SCG3: variants seen among roughly 807,000 people sequenced by gnomAD.
SCG3 encodes secretogranin III, also known as secretogranin-3.
Under a neutral mutation model 56.2 loss-of-function variants are expected in SCG3, and 38 were observed. The observed-to-expected ratio is 0.68, with a 90% CI of 0.52 to 0.89. The LOEUF is 0.89. SCG3 is among the 40% of genes least tolerant of loss of function. The pLI is 0.00. For synonymous variants in SCG3, 176 were observed against 184.2 expected, an observed-to-expected ratio of 0.96 and a Z score of 0.36; for missense variants, 524 against 540.7, an observed-to-expected ratio of 0.97 and a Z score of 0.31.
At chr15:51,701,307 AGGGAG>A in intron 10 of SCG3, 63 bp downstream of exon 10, 1 of 1,490,436 alleles carries the variant, frequency 6.7e-7, no homozygotes. Flanking sequence ...TCACCACACA[AGGGAG>A]GGTGATCCAA....
At chr15:51,689,466 A>G (rs2055252976) in intron 6 of SCG3, 98 bp downstream of exon 6, 2 of 1,394,712 alleles carry the variant, frequency 1.4e-6, no homozygotes, top group Non-Finnish European at 1.9e-6. Context: ...CTTACTTGAT[A>G]CCAAAGAAGA....
chr15:51,718,206 A>G (rs571057701), intron 11 of SCG3, among the ~76,000 whole-genome samples: 3 of 56,916 alleles, frequency 5.3e-5, no homozygotes, highest in African/African-American at 1.6e-4. Context: ...AGATAGACAG[A>G]CAGACAGACA....
intron 10 of SCG3, among the ~76,000 whole-genome samples, chr15:51,709,909 T>TTTTTTTTTTTTTTTTTTTTG (rs2055409263): frequency 8.5e-6 from 1 of 117,332 alleles, no homozygotes; most frequent in Non-Finnish European, 1.7e-5. Flanking sequence ...TTTTTTTTTT[T>TTTTTTTTTTTTTTTTTTTTG]GTATTTTTAG....
intron 10 of SCG3, among the ~76,000 whole-genome samples, chr15:51,702,244 C>G (rs1161929358): frequency 6.6e-6 from 1 of 151,964 alleles, no homozygotes; most frequent in Non-Finnish European, 1.5e-5. Flanking sequence ...CAATTTACAT[C>G]TTTTTAGGAT....
rs370309245 is a variant in SCG3 at position 51,701,250 on chromosome 15, G to C, written c.1207+6G>C. On this transcript the variant is annotated splice_donor_region_variant and intron_variant, in intron 10 of 11. Transcript: ENST00000220478. ...AAAGACAGATGAACCCAAAGGTATG[G>C]GATTGACAGCTCTAGGTTAGCAATG... 1.9e-5 allele frequency: 30 copies of C among 1,579,516 alleles called. No homozygotes were observed. Among genetic ancestry groups the C allele is most frequent in the Non-Finnish European group, 2.5e-5 (29 of 1,167,114 alleles).
At chr15:51,701,685 T>A (rs188585711) in intron 10 of SCG3, among the ~76,000 whole-genome samples, 2 of 152,298 alleles carry the variant, frequency 1.3e-5, no homozygotes, top group East Asian at 3.9e-4. Context: ...GCAGTTTGGA[T>A]TGCTTGAGCT....
At chr15:51,688,196 A>G (rs1020675509) in intron 4 of SCG3, 64 bp from the exon 5 acceptor site, 4 of 1,472,954 alleles carry the variant, frequency 2.7e-6, no homozygotes, top group East Asian at 4.6e-5. Flanking sequence ...GATTATAAGT[A>G]TAATATGATG....
intron 11 of SCG3, among the ~76,000 whole-genome samples, chr15:51,716,737 C>T (rs2055458757): frequency 6.6e-6 from 1 of 152,274 alleles, no homozygotes; most frequent in South Asian, 2.1e-4. Flanking sequence ...GCAGCCGACA[C>T]TAGCTGGTTG....
intron 8 of SCG3, among the ~76,000 whole-genome samples, chr15:51,698,315 G>C (rs2055317308): frequency 6.6e-6 from 1 of 152,162 alleles, no homozygotes; most frequent in East Asian, 1.9e-4. Flanking sequence ...AAAGAGTGTG[G>C]TTTCTAATTC....
chr15:51,701,202 G>T lies in SCG3; in HGVS notation c.1165G>T (p.Asp389Tyr). 1 of 1,612,112 alleles carries T rather than the reference G, an allele frequency of 6.2e-7. No homozygotes were observed. Among genetic ancestry groups the T allele is most frequent in the South Asian group, 1.1e-5 (1 of 90,686 alleles). The change falls in exon 10 of 12, where the codon GAT (aspartate) becomes TAT (tyrosine). Residue 389 changes from aspartate (D) to tyrosine (Y), a missense_variant. Transcript: ENST00000220478. ...TGGAAGCTTGAAGGATTCCACAAAA[G>T]ATGATAACTCCAACCCAGGAGGAAA... is the stretch of plus-strand genomic sequence containing the variant. ...EYGSLKDSTKDDNSNPGGKTD... is the reference protein window; with the variant it reads ...EYGSLKDSTKYDNSNPGGKTD...
chr15:51,690,874 T>C (rs1228515885), intron 6 of SCG3, among the ~76,000 whole-genome samples: 1 of 152,206 alleles, frequency 6.6e-6, no homozygotes, highest in East Asian at 1.9e-4. Context: ...ACTAACTCTG[T>C]ACCAAGCACT....
At position 51,689,147 on chromosome 15, in the gene SCG3, T is replaced by C. The variant is rs551610777; in HGVS notation, c.541-72T>C. On this transcript the variant is annotated intron_variant, in intron 5 of 11. Coordinates refer to ENST00000220478, the MANE Select transcript of SCG3 (RefSeq NM_013243.4). ...TAAAAAATACATGTTTGACTACAGT[T>C]TAGTCCACATTATTTTTTAATAACA... The C allele has an allele frequency of 1.9e-5, 28 of 1,469,854 alleles. No homozygotes were observed. The African/African-American group carries it at 3.5e-4, about 18-fold the overall frequency. The allele number at this position is 1,469,854 out of a possible 1,614,324, so 91.1% of individuals were successfully genotyped here.
chr15:51,684,204 A>G (rs544543265), intron 4 of SCG3, among the ~76,000 whole-genome samples: 1 of 152,218 alleles, frequency 6.6e-6, no homozygotes, highest in East Asian at 1.9e-4. Context: ...GTATCTCTCA[A>G]TTGTTTTTCT....
intron 10 of SCG3, among the ~76,000 whole-genome samples, chr15:51,712,804 G>A (rs372413967): frequency 2.6e-5 from 4 of 152,118 alleles, no homozygotes; most frequent in African/African-American, 7.2e-5. Context: ...GGCACTGGTC[G>A]CCTCTTTGTC....
At chr15:51,718,920 C>A (rs1003417803) in intron 11 of SCG3, among the ~76,000 whole-genome samples, 3 of 152,126 alleles carry the variant, frequency 2.0e-5, no homozygotes, top group African/African-American at 7.2e-5. Flanking sequence ...TCAGAACACC[C>A]GGTTCTGATC....
At position 51,683,379 on chromosome 15, in the gene SCG3, A is replaced by AAAACTG; in HGVS notation, c.344_349dup (p.Lys115_Leu116dup). 6.2e-7 allele frequency: 1 copy of AAAACTG among 1,613,850 alleles called. No individual in the cohort carries two copies. Among genetic ancestry groups the AAAACTG allele is most frequent in the South Asian group, 1.1e-5 (1 of 91,038 alleles). ...AAGATGTTGATTCAACCAAGAATCGAAAACTGATCGATGATTATGACTCTA... is the reference window on the plus strand; with the variant it reads ...AAGATGTTGATTCAACCAAGAATCGAAAACTGAAACTGATCGATGATTATGACTCTA... On this transcript the variant is annotated inframe_insertion, in exon 4 of 12. Transcript: ENST00000220478.
chr15:51,710,188 T>C (rs1018413522), intron 10 of SCG3, among the ~76,000 whole-genome samples: 3 of 152,146 alleles, frequency 2.0e-5, no homozygotes, highest in Non-Finnish European at 4.4e-5. Context: ...GTCAGTCTTG[T>C]TCTAGGCAGA....
rs1183535899 is a variant in SCG3 at position 51,692,768 on chromosome 15, G to A, written c.868+432G>A. Among the ~76,000 whole-genome samples the A allele has an allele frequency of 2.6e-5, 4 of 152,000 alleles. No homozygotes were observed. In the South Asian group the frequency reaches 6.2e-4, roughly 24 times the overall value. On this transcript the variant is annotated intron_variant, in intron 7 of 11. Transcript: ENST00000220478. Reference sequence around the variant, plus strand: ...AACAAATATTGTATATATTTAAGGTGTACAATTTGATGTTTTGGTACATTT... The same window carrying A: ...AACAAATATTGTATATATTTAAGGTATACAATTTGATGTTTTGGTACATTT...
At chr15:51,706,804 G>A (rs945832446) in intron 10 of SCG3, among the ~76,000 whole-genome samples, 8 of 152,194 alleles carry the variant, frequency 5.3e-5, no homozygotes, top group African/African-American at 1.7e-4. Context: ...TACCAATGAT[G>A]AAAAATGATA....
Sources: gnomAD v4.1 joint callset for allele counts (sites outside exome capture counted in the v4.1 genomes callset) on GRCh38, gnomAD v4.1.1 for gene constraint, MANE v1.5 for transcripts, NCBI Gene and HGNC (gene_info 2026-07-23, HGNC 2026-07-21) for gene names.